CDH18: variants seen among roughly 807,000 people sequenced by gnomAD.
The protein encoded by CDH18 is cadherin-18.
In CDH18, 31 loss-of-function variants were observed where a neutral mutation model predicts 67.9. That is an observed-to-expected ratio of 0.46 (90% confidence interval 0.34 to 0.62). The LOEUF is 0.62. CDH18 is among the 20% of genes least tolerant of loss of function. CDH18 has a pLI of 0.01. For missense variants in CDH18, 890 were observed against 975.5 expected, an observed-to-expected ratio of 0.91 and a Z score of 1.17; for synonymous variants, 362 against 347.2, an observed-to-expected ratio of 1.04 and a Z score of -0.48.
At chr5:19,864,047 T>G (rs1274269181) in intron 2 of CDH18, among the ~76,000 whole-genome samples, 2 of 151,284 alleles carry the variant, frequency 1.3e-5, no homozygotes, top group African/African-American at 2.4e-5. Flanking sequence ...CAAAGGACTA[T>G]AAATCATGCT....
intron 1 of CDH18, among the ~76,000 whole-genome samples, chr5:20,502,513 T>C (rs1385398069): frequency 6.6e-6 from 1 of 152,208 alleles, no homozygotes; most frequent in African/African-American, 2.4e-5. Flanking sequence ...GTGTGGCAAG[T>C]AATATTTATC....
chr5:20,220,657 C>A (rs1283873387), intron 2 of CDH18, among the ~76,000 whole-genome samples: 3 of 151,838 alleles, frequency 2.0e-5, no homozygotes, highest in Admixed American at 1.3e-4. Flanking sequence ...TTCTGCACAG[C>A]AAGGGCAAAA....
chr5:20,458,191 C>A (rs187303043), intron 1 of CDH18, among the ~76,000 whole-genome samples: 2 of 152,316 alleles, frequency 1.3e-5, no homozygotes, highest in African/African-American at 4.8e-5. Flanking sequence ...AGTCATAGCT[C>A]ACTGCAGCCT....
intron 1 of CDH18, among the ~76,000 whole-genome samples, chr5:20,500,275 G>T (rs1304177987): frequency 6.6e-6 from 1 of 152,072 alleles, no homozygotes; most frequent in African/African-American, 2.4e-5. Context: ...AGAAACTGTG[G>T]TGGCATCCAT....
intron 2 of CDH18, among the ~76,000 whole-genome samples, chr5:20,248,871 A>C (rs1743590198): frequency 6.6e-6 from 1 of 152,230 alleles, no homozygotes; most frequent in Admixed American, 6.5e-5. Flanking sequence ...AATTTTGAGG[A>C]GTAAATGAGT....
intron 10 of CDH18, 137 bp downstream of exon 10, chr5:19,520,515 TTAAAA>T (rs1254517741): frequency 2.0e-5 from 14 of 693,758 alleles, no homozygotes; most frequent in Non-Finnish European, 2.3e-5. Context: ...TATTTGGTAC[TTAAAA>T]TAAAGCTTTA....
At chr5:19,902,960 T>C (rs1462629284) in intron 2 of CDH18, among the ~76,000 whole-genome samples, 1 of 152,168 alleles carries the variant, frequency 6.6e-6, no homozygotes, top group Non-Finnish European at 1.5e-5. Context: ...GACTTTTTAC[T>C]ATCATTTTCA....
At chr5:20,489,727 T>A (rs1285376033) in intron 1 of CDH18, among the ~76,000 whole-genome samples, 2 of 152,004 alleles carry the variant, frequency 1.3e-5, no homozygotes, top group South Asian at 4.1e-4. Context: ...TTAATTGACG[T>A]CCTGCAGCTC....
chr5:20,168,321 T>C (rs1449133806), intron 2 of CDH18, among the ~76,000 whole-genome samples: 1 of 152,168 alleles, frequency 6.6e-6, no homozygotes, highest in East Asian at 1.9e-4. Context: ...TTTGCCAATG[T>C]ATAGCGCACT....
In CDH18 at chr5:20,001,979, C is replaced by T. The variant is rs75311605; in HGVS notation, c.-517-9965G>A. Among the ~76,000 whole-genome samples, 2,820 of 152,202 alleles carry T rather than the reference C, an allele frequency of 0.019. 182 individuals carry two copies. In the East Asian group the frequency reaches 0.25, roughly 13 times the overall value. On this transcript the variant is annotated intron_variant, in intron 2 of 14. Transcript: ENST00000507958. ...TCCTTCTCTGTCTATCTAAAGATTC[C>T]TCAGGCTGCCAATATTCATATATCA...
intron 10 of CDH18, among the ~76,000 whole-genome samples, chr5:19,505,628 T>G (rs561377842): frequency 3.3e-5 from 5 of 152,240 alleles, no homozygotes; most frequent in Admixed American, 3.3e-4. Context: ...CTTTATTGAT[T>G]TGCATATGTT....
At chr5:19,536,787 C>A (rs1373877558) in intron 9 of CDH18, among the ~76,000 whole-genome samples, 1 of 152,112 alleles carries the variant, frequency 6.6e-6, no homozygotes, top group African/African-American at 2.4e-5. Flanking sequence ...TGAGGATCTG[C>A]ATTATTTGTT....
intron 1 of CDH18, among the ~76,000 whole-genome samples, chr5:20,309,132 G>T (rs1156494079): frequency 6.6e-6 from 1 of 152,134 alleles, no homozygotes; most frequent in African/African-American, 2.4e-5. Context: ...AATTTCTTAT[G>T]CTTAACATCA....
chr5:20,378,106 T>C (rs552904996), intron 1 of CDH18, among the ~76,000 whole-genome samples: 145 of 152,304 alleles, frequency 9.5e-4, no homozygotes, highest in African/African-American at 3.3e-3. Context: ...GTCTGCTTCA[T>C]TGGCTTTTGC....
At chr5:19,750,484 A>T (rs372367823) in intron 3 of CDH18, among the ~76,000 whole-genome samples, 18 of 152,112 alleles carry the variant, frequency 1.2e-4, no homozygotes, top group East Asian at 7.7e-4. Context: ...AAAGCTCTTG[A>T]ATAGAGATAA....
chr5:20,020,584 C>T (rs539053482), intron 2 of CDH18, among the ~76,000 whole-genome samples: 25 of 152,280 alleles, frequency 1.6e-4, no homozygotes, highest in South Asian at 1.2e-3. Flanking sequence ...ACATATCAGG[C>T]CACTGCTCCA....
intron 10 of CDH18, among the ~76,000 whole-genome samples, chr5:19,519,438 A>G (rs990218447): frequency 6.6e-6 from 1 of 152,138 alleles, no homozygotes; most frequent in Non-Finnish European, 1.5e-5. Flanking sequence ...TGGGTTCACT[A>G]AAGACAATAA....
At chr5:20,465,287 A>T (rs572870082) in intron 1 of CDH18, among the ~76,000 whole-genome samples, 1 of 152,046 alleles carries the variant, frequency 6.6e-6, no homozygotes, top group African/African-American at 2.4e-5. Flanking sequence ...TACAGTAAAA[A>T]TTCAGGGGAA....
chr5:19,650,572 A>C (rs1478537358), intron 5 of CDH18, among the ~76,000 whole-genome samples: 2 of 152,018 alleles, frequency 1.3e-5, no homozygotes, highest in Non-Finnish European at 2.9e-5. Flanking sequence ...ACTTGGAAAA[A>C]TCTGTTGGAT....
Sources: allele counts gnomAD v4.1 joint callset (sites outside exome capture counted in the v4.1 genomes callset), GRCh38; gene constraint gnomAD v4.1.1; transcripts MANE v1.5; gene names NCBI Gene and HGNC (gene_info 2026-07-23, HGNC 2026-07-21).